Variants in TENM3 observed in about 807,000 individuals in gnomAD.
TENM3 encodes the protein teneurin-3.
TENM3 carries 63 observed loss-of-function variants against 255.1 expected under a neutral mutation model. The ratio of observed to expected loss-of-function variants is 0.25; its 90% CI spans 0.20 to 0.30. The LOEUF is 0.30. Ranked by LOEUF, TENM3 falls within the 10% of genes least tolerant of loss-of-function variation. TENM3 has a pLI of 1.00. For synonymous variants in TENM3, 1,306 were observed against 1,322.3 expected (o/e 0.99, Z 0.27); for missense variants, 2,929 against 3,461.1 (o/e 0.85, Z 3.86).
the TENM3 span, among the ~76,000 whole-genome samples, chr4:181,900,516 T>A: frequency 6.6e-6 from 1 of 152,214 alleles, no homozygotes; most frequent in East Asian, 1.9e-4. Flanking sequence ...AAGATATACC[T>A]ATATATAGCT....
chr4:181,846,571 A>C, the TENM3 span, among the ~76,000 whole-genome samples: 10 of 152,248 alleles, frequency 6.6e-5, no homozygotes, highest in Non-Finnish European at 1.3e-4. Context: ...TTAAGAGATA[A>C]ACAATTGTTT....
chr4:181,927,706 T>C, the TENM3 span, among the ~76,000 whole-genome samples: 45 of 152,214 alleles, frequency 3.0e-4, no homozygotes, highest in Non-Finnish European at 5.9e-4. Flanking sequence ...AGTGGGTCCC[T>C]GACCCCCATG....
Position 182,743,170 on chromosome 4 carries a change from G to T in TENM3, c.3380G>T (p.Gly1127Val), listed in dbSNP as rs774817285. 3.1e-6 allele frequency: 5 copies of T among 1,600,368 alleles called. No homozygotes were observed. The highest frequency in any genetic ancestry group is 1.7e-5 in the Admixed American group (1 of 59,674). The stretch of plus-strand genomic sequence containing the variant: ...AAACAATGCACTTTATTTCTTCTAG[G>T]TATACTGTACAAGGGAAACGGGGAA... ...DKHHVLDVQN[G>V]ILYKGNGENQ... Residue 1127 changes from glycine (G) to valine (V), a missense_variant and splice_region_variant, in exon 19 of 28, where the codon GGT becomes GTT. Transcript: ENST00000511685.
chr4:182,320,097 A>C (rs1161900418), intron 1 of TENM3, among the ~76,000 whole-genome samples: 3 of 130,074 alleles, frequency 2.3e-5, no homozygotes, highest in East Asian at 4.1e-4. Context: ...TGAGTGAAAG[A>C]GTGAAACTCC....
At chr4:181,706,879 T>C in the TENM3 span, among the ~76,000 whole-genome samples, 1 of 152,224 alleles carries the variant, frequency 6.6e-6, no homozygotes, top group African/African-American at 2.4e-5. Context: ...TTTCTTCATT[T>C]GTGGCAATTA....
chr4:182,313,909 C>T (rs1046887846), intron 1 of TENM3, among the ~76,000 whole-genome samples: 2 of 152,234 alleles, frequency 1.3e-5, no homozygotes, highest in African/African-American at 4.8e-5. Context: ...CCCTTTTCCC[C>T]TATTTTCCAT....
chr4:182,224,577 A>G (rs1756030591), intron 1 of TENM3, among the ~76,000 whole-genome samples: 2 of 152,180 alleles, frequency 1.3e-5, no homozygotes, highest in Admixed American at 1.3e-4. Flanking sequence ...AAAATTGGAC[A>G]TAAAAACAAA....
chr4:182,741,350 G>A (rs1011103074), intron 18 of TENM3, among the ~76,000 whole-genome samples: 5 of 152,346 alleles, frequency 3.3e-5, no homozygotes, highest in African/African-American at 1.2e-4. Flanking sequence ...TCATGACAAG[G>A]TGGATGAGCT....
At chr4:182,043,363 T>G in the TENM3 span, among the ~76,000 whole-genome samples, 1 of 152,206 alleles carries the variant, frequency 6.6e-6, no homozygotes, top group Non-Finnish European at 1.5e-5. Flanking sequence ...CATTGTGTAT[T>G]TCTTCAGTTA....
the TENM3 span, among the ~76,000 whole-genome samples, chr4:181,639,224 G>A: frequency 6.6e-6 from 1 of 152,104 alleles, no homozygotes; most frequent in Admixed American, 6.5e-5. Context: ...ATGTAACCAG[G>A]CATAATAACC....
intron 22 of TENM3, among the ~76,000 whole-genome samples, chr4:182,766,482 C>A (rs541585743): frequency 6.6e-6 from 1 of 152,298 alleles, no homozygotes; most frequent in Admixed American, 6.5e-5. Context: ...AATGCCCTGA[C>A]TTGGATGGCT....
the TENM3 span, among the ~76,000 whole-genome samples, chr4:181,468,551 G>A: frequency 3.9e-4 from 60 of 152,142 alleles, no homozygotes; most frequent in Non-Finnish European, 4.4e-4. Context: ...TGTATAGTGC[G>A]CTCTGAAACT....
At chr4:182,333,103 A>G (rs1003497940) in intron 2 of TENM3, among the ~76,000 whole-genome samples, 3 of 152,220 alleles carry the variant, frequency 2.0e-5, no homozygotes, top group African/African-American at 7.2e-5. Flanking sequence ...ATATGTTCCT[A>G]GGTACATTTT....
At chr4:181,696,685 G>A in the TENM3 span, among the ~76,000 whole-genome samples, 4 of 152,292 alleles carry the variant, frequency 2.6e-5, no homozygotes, top group African/African-American at 4.8e-5. Context: ...AAGACTGTAC[G>A]CACTCACTAA....
the TENM3 span, among the ~76,000 whole-genome samples, chr4:181,668,344 T>C: frequency 4.3e-4 from 66 of 152,348 alleles, no homozygotes; most frequent in African/African-American, 1.5e-3. Flanking sequence ...GTTTTATTCC[T>C]GTATTAGTTT....
At chr4:182,495,519 CTG>C (rs1458389524) in intron 3 of TENM3, among the ~76,000 whole-genome samples, 4 of 151,782 alleles carry the variant, frequency 2.6e-5, no homozygotes, top group Non-Finnish European at 5.9e-5. Flanking sequence ...AAAAAAATGA[CTG>C]TATGAATGAA....
intron 7 of TENM3, among the ~76,000 whole-genome samples, chr4:182,679,140 A>G (rs367728264): frequency 1.3e-5 from 2 of 152,128 alleles, no homozygotes; most frequent in Non-Finnish European, 2.9e-5. Flanking sequence ...GCAAACCACC[A>G]TGGCACGTGT....
the TENM3 span, among the ~76,000 whole-genome samples, chr4:181,981,194 G>A: frequency 6.6e-6 from 1 of 151,944 alleles, no homozygotes; most frequent in Non-Finnish European, 1.5e-5. Context: ...TATTTCTACA[G>A]CTGACGGGCT....
chr4:182,100,562 C>CACACATAT, the TENM3 span, among the ~76,000 whole-genome samples: 1 of 80,266 alleles, frequency 1.2e-5, no homozygotes, highest in Non-Finnish European at 2.3e-5. Context: ...CATATATATA[C>CACACATAT]ACACATATAT....
Sources: gnomAD v4.1 joint callset for allele counts (sites outside exome capture counted in the v4.1 genomes callset) on GRCh38, gnomAD v4.1.1 for gene constraint, MANE v1.5 for transcripts, NCBI Gene and HGNC (gene_info 2026-07-23, HGNC 2026-07-21) for gene names.